Variants in PCDHGA3 observed in about 807,000 individuals in gnomAD.
The protein encoded by PCDHGA3 is protocadherin gamma-A3.
In PCDHGA3, 40 loss-of-function variants were observed where a neutral mutation model predicts 58.5. The ratio of observed to expected loss-of-function variants is 0.68; its 90% CI spans 0.53 to 0.89. PCDHGA3 has a LOEUF of 0.89. PCDHGA3 is among the 40% of genes least tolerant of loss of function. PCDHGA3 has a pLI of 0.00. For synonymous variants in PCDHGA3, 530 were observed against 525.7 expected, an observed-to-expected ratio of 1.01 and a Z score of -0.11; for missense variants, 1,223 against 1,195.9, an observed-to-expected ratio of 1.02 and a Z score of -0.33.
Position 141,345,639 on chromosome 5 carries a change from G to C in PCDHGA3, c.1606G>C (p.Asp536His). 1 of 1,614,180 alleles carries C rather than the reference G, an allele frequency of 6.2e-7. No homozygotes were observed. The highest frequency in any genetic ancestry group is 1.1e-5 in the South Asian group (1 of 91,080). The change falls in exon 1 of 4, where the codon GAC (aspartate) becomes CAC (histidine). Residue 536 changes from aspartate to histidine, a missense_variant. Physicochemically the swap from Asp to His is moderately conservative, Grantham distance 81 (BLOSUM62 -1). Transcript: ENST00000253812. The part of the protein sequence containing the change: ...RDLKLLVTAS[D>H]SGNPPLSSNV... ...CTTAAAGCTACTGGTGACAGCCAGC[G>C]ACAGCGGGAACCCTCCACTCAGCAG...
chr5:141,476,317 G>C lies in PCDHGA3; in HGVS notation c.2425-18490G>C, dbSNP rs759809060. The C allele has an allele frequency of 1.2e-6, 2 of 1,614,052 alleles. No homozygotes were observed. The highest frequency in any genetic ancestry group is 2.7e-5 in the African/African-American group (2 of 74,922). ...GTAGCCTCTCAGCCCGCAGGTTCCGGGTGGTGTCTGGAGCTAGCCGAAGAT... is the reference window on the plus strand; with the variant it reads ...GTAGCCTCTCAGCCCGCAGGTTCCGCGTGGTGTCTGGAGCTAGCCGAAGAT... On this transcript the variant is annotated intron_variant, in intron 1 of 3. Coordinates refer to ENST00000253812, the MANE Select transcript of PCDHGA3 (RefSeq NM_018916.4). The surrounding 1 kb of genome is among the most constrained non-coding windows in gnomAD (Gnocchi z 7.6).
rs1554175372 is a variant in PCDHGA3, at chr5:141,490,827, G to A, written c.2425-3980G>A. ...CCTTTGACTATGAATTGCTGCAGAT[G>A]CTGCAGATTGTGGTGGGGGTTCGAG... On this transcript the variant is annotated intron_variant, in intron 1 of 3. Transcript: ENST00000253812. This position sits in a 1 kb window ranked among gnomAD's most constrained non-coding sequence, Gnocchi z 5.4. 1 of 1,613,744 alleles carries A rather than the reference G, an allele frequency of 6.2e-7. No individual in the cohort carries two copies. Among genetic ancestry groups the A allele is most frequent in the Non-Finnish European group, 8.5e-7 (1 of 1,179,828 alleles).
rs999250620 is a variant in PCDHGA3, at chr5:141,373,672, T to C, written c.2424+27215T>C. 5.3e-5 allele frequency among the ~76,000 whole-genome samples: 8 copies of C among 152,368 alleles called. No individual in the cohort carries two copies. The East Asian group carries it at 1.3e-3, about 26-fold the overall frequency. ...TAAGAGATATTTTCATAAAAATGAA[T>C]GGTAAACTTCAGAGAACATTTAAAA... On this transcript the variant is annotated intron_variant, in intron 1 of 3. Coordinates refer to ENST00000253812, the MANE Select transcript of PCDHGA3 (RefSeq NM_018916.4).
At chr5:141,452,003 T>C (rs1031228207) in intron 1 of PCDHGA3, among the ~76,000 whole-genome samples, 2 of 152,210 alleles carry the variant, frequency 1.3e-5, no homozygotes, top group Non-Finnish European at 2.9e-5. Context: ...CAAAATCACT[T>C]GGTCCAGCCC....
intron 1 of PCDHGA3, chr5:141,359,935 G>A: frequency 4.3e-6 from 2 of 465,926 alleles, no homozygotes; most frequent in South Asian, 7.9e-5. Flanking sequence ...ACCTCTGAGC[G>A]TCGCTGTTGG....
chr5:141,355,530 A>G (rs753782818), intron 1 of PCDHGA3: 3 of 1,614,092 alleles, frequency 1.9e-6, no homozygotes, highest in Non-Finnish European at 2.5e-6. Context: ...AGATTCTTCT[A>G]GAAGATACAG....
rs776677714 is a variant in PCDHGA3 at position 141,419,329 on chromosome 5, T to C, written c.2424+72872T>C. The C allele has an allele frequency of 7.4e-6, 12 of 1,613,842 alleles. 2 individuals carry two copies. The South Asian group carries it at 1.3e-4, about 18-fold the overall frequency. On this transcript the variant is annotated intron_variant, in intron 1 of 3. Coordinates refer to ENST00000253812, the MANE Select transcript of PCDHGA3 (RefSeq NM_018916.4). The stretch of plus-strand genomic sequence containing the variant: ...GGCTCAACGGCCGTGTCTCCTACTC[T>C]CTCATTGCCAGCGACCTGGAGTCAC...
chr5:141,409,647 G>A, intron 1 of PCDHGA3: 2 of 1,613,668 alleles, frequency 1.2e-6, no homozygotes, highest in Non-Finnish European at 1.7e-6. Context: ...CCGGATTTGG[G>A]GCTCAATGGC....
chr5:141,445,363 T>C (rs186841717), intron 1 of PCDHGA3, among the ~76,000 whole-genome samples: 9 of 152,284 alleles, frequency 5.9e-5, no homozygotes. Context: ...CCAAGTCTGG[T>C]CCTGGGTGGT....
rs188338684 is a variant in PCDHGA3, at chr5:141,431,953, C to T, written c.2425-62854C>T. ...TGCCCTTTAAATTAGAAAAATCTTA[C>T]GGAAATTACTATAGTTTAGTCACAG... On this transcript the variant is annotated intron_variant, in intron 1 of 3. Transcript: ENST00000253812. The surrounding 1 kb of genome is among the most constrained non-coding windows in gnomAD (Gnocchi z 4.8). 2.4e-5 allele frequency: 38 copies of T among 1,614,082 alleles called. No homozygotes were observed. In the East Asian group the frequency reaches 7.6e-4, roughly 32 times the overall value.
In PCDHGA3 at chr5:141,491,492, T is replaced by G. The variant is rs763487622; in HGVS notation, c.2425-3315T>G. On this transcript the variant is annotated intron_variant, in intron 1 of 3. Coordinates refer to ENST00000253812, the MANE Select transcript of PCDHGA3 (RefSeq NM_018916.4). This position sits in a 1 kb window ranked among gnomAD's most constrained non-coding sequence, Gnocchi z 6.9. ...AAGCAGTCCAGCCCCAACCTGCAGG[T>G]GAGCTCGGACGGCACGCTCAAGTAC... 3.1e-6 allele frequency: 5 copies of G among 1,614,024 alleles called. No homozygotes were observed. The highest frequency in any genetic ancestry group is 3.4e-6 in the Non-Finnish European group (4 of 1,180,006).
intron 2 of PCDHGA3, among the ~76,000 whole-genome samples, chr5:141,496,888 TAA>T (rs35063790): frequency 6.7e-5 from 9 of 134,018 alleles, no homozygotes; most frequent in Non-Finnish European, 4.9e-5. Flanking sequence ...AAGTAACACT[TAA>T]AAAAAAAAAA....
intron 1 of PCDHGA3, chr5:141,395,508 A>T: frequency 2.2e-6 from 1 of 461,184 alleles, no homozygotes. Context: ...CTTAAGAAGT[A>T]GCTACCCGTC....
chr5:141,498,105 G>C (rs150297456), intron 2 of PCDHGA3, among the ~76,000 whole-genome samples: 1 of 152,324 alleles, frequency 6.6e-6, no homozygotes, highest in East Asian at 1.9e-4. Flanking sequence ...TGGTGTGGGC[G>C]TATAATAGGG....
chr5:141,361,254 CAG>C, intron 1 of PCDHGA3: 1 of 1,613,964 alleles, frequency 6.2e-7, no homozygotes, highest in South Asian at 1.1e-5. Flanking sequence ...AAACGAGAGA[CAG>C]AGACTCTGGA....
intron 1 of PCDHGA3, among the ~76,000 whole-genome samples, chr5:141,458,909 T>G (rs548847649): frequency 6.6e-6 from 1 of 152,192 alleles, no homozygotes; most frequent in African/African-American, 2.4e-5. Context: ...TTTTTTCTAT[T>G]TTTTGTGGAG....
intron 1 of PCDHGA3, chr5:141,390,870 G>A (rs1003231489): frequency 2.2e-5 from 3 of 134,656 alleles, no homozygotes; most frequent in African/African-American, 9.4e-5. Context: ...GTGTGTGCGT[G>A]TGTGTGTGTG....
intron 1 of PCDHGA3, chr5:141,355,253 T>C: frequency 6.2e-7 from 1 of 1,613,402 alleles, no homozygotes; most frequent in Non-Finnish European, 8.5e-7. Context: ...CAGATCTGCC[T>C]TCTCCTGGGG....
chr5:141,364,605 G>C (rs1380468665), intron 1 of PCDHGA3: 7 of 1,614,186 alleles, frequency 4.3e-6, no homozygotes, highest in South Asian at 1.1e-5. Flanking sequence ...AGGATAGACC[G>C]GGAGGAGCTC....
Sources: gnomAD v4.1 joint callset for allele counts (sites outside exome capture counted in the v4.1 genomes callset) on GRCh38, gnomAD v4.1.1 for gene constraint, Gnocchi (gnomAD v3.1) non-coding constraint, MANE v1.5 for transcripts, NCBI Gene and HGNC (gene_info 2026-07-23, HGNC 2026-07-21) for gene names.